Variants in ODAD1 observed in about 807,000 individuals in gnomAD.
ODAD1 encodes the protein outer dynein arm-docking complex subunit 1.
ODAD1 carries 49 observed loss-of-function variants against 67.2 expected under a neutral mutation model. The ratio of observed to expected loss-of-function variants is 0.73; its 90% confidence interval spans 0.58 to 0.92. ODAD1 has a LOEUF of 0.92. Among genes scored for constraint, ODAD1 ranks in the 40% least tolerant of loss-of-function variants. The probability of loss-of-function intolerance (pLI) is 0.00; values close to 1 mark genes in which losing one functional copy is unlikely to be tolerated. For missense variants in ODAD1, 897 were observed against 953.7 expected, an observed-to-expected ratio of 0.94 and a Z score of 0.78; for synonymous variants, 345 against 393.7, an observed-to-expected ratio of 0.88 and a Z score of 1.46.
intron 10 of ODAD1, 22 bp downstream of exon 10, chr19:48,303,628 C>T (rs1014336601): frequency 1.2e-6 from 2 of 1,613,752 alleles, no homozygotes; most frequent in Non-Finnish European, 1.7e-6. Context: ...GGCCTCCTCC[C>T]TCCACCCAGG....
rs1204809790 is a variant in ODAD1, at chr19:48,298,267, G to T, written c.1314C>A (p.Ser438Arg). 7.4e-6 allele frequency: 12 copies of T among 1,614,072 alleles called. No individual in the cohort carries two copies. The highest frequency in any genetic ancestry group is 1.3e-5 in the African/African-American group (1 of 74,954). Reference protein sequence around the residue: ...MIDDLLGVKTSMGDRDMGLFL... With the variant: ...MIDDLLGVKTRMGDRDMGLFL... ...AGAGGCCCATGTCCCGGTCTCCCATGCTGGTCTTGACCCCAAGGAGGTCAT... is the reference window on the plus strand; with the variant it reads ...AGAGGCCCATGTCCCGGTCTCCCATTCTGGTCTTGACCCCAAGGAGGTCAT... Residue 438 changes from serine (S) to arginine (R), a missense_variant, in exon 13 of 16, where the codon AGC (serine) becomes AGA (arginine). Coordinates refer to ENST00000674294, the MANE Select transcript of ODAD1 (RefSeq NM_001364171.2).
intron 5 of ODAD1, among the ~76,000 whole-genome samples, chr19:48,317,173 A>G (rs944214189): frequency 4.6e-5 from 7 of 152,084 alleles, no homozygotes; most frequent in African/African-American, 1.7e-4. Context: ...TGAAGGCTAG[A>G]CCAGAATTTA....
chr19:48,298,229 A>G lies in ODAD1; in HGVS notation c.1352T>C (p.Ile451Thr), dbSNP rs1382485557. 1.2e-5 allele frequency: 20 copies of G among 1,613,804 alleles called. No homozygotes were observed. The highest frequency in any genetic ancestry group is 1.6e-5 in the Non-Finnish European group (19 of 1,180,018). Residue 451 changes from isoleucine to threonine, a missense_variant, in exon 13 of 16, where the codon ATT (isoleucine) becomes ACT (threonine). By Grantham distance (89) the Ile-to-Thr change is moderately conservative. Coordinates refer to ENST00000674294, the MANE Select transcript of ODAD1 (RefSeq NM_001364171.2). Reference sequence around the variant, plus strand: ...CAGGAGCTCCACCAGCCGCTTCTCAATGAGGCTCAGGAAGAGGCCCATGTC... The same window carrying G: ...CAGGAGCTCCACCAGCCGCTTCTCAGTGAGGCTCAGGAAGAGGCCCATGTC... ...DRDMGLFLSL[I>T]EKRLVELLTV...
intron 5 of ODAD1, among the ~76,000 whole-genome samples, chr19:48,312,399 C>T (rs1420974045): frequency 7.5e-5 from 9 of 120,362 alleles, no homozygotes; most frequent in Admixed American, 2.5e-4. Context: ...GACTCCTTTC[C>T]GTTTTTTTTT....
intron 5 of ODAD1, among the ~76,000 whole-genome samples, chr19:48,318,051 C>T (rs567695269): frequency 4.3e-4 from 65 of 152,002 alleles, no homozygotes; most frequent in Admixed American, 6.5e-4. Flanking sequence ...CCAGCCTGGG[C>T]GACAGAGCAA....
intron 7 of ODAD1, among the ~76,000 whole-genome samples, chr19:48,308,846 G>A (rs1968684123): frequency 6.6e-6 from 1 of 152,216 alleles, no homozygotes; most frequent in South Asian, 2.1e-4. Context: ...GCCAGGAGCA[G>A]GCAGGATCTG....
chr19:48,313,596 G>C (rs1055710253), intron 5 of ODAD1, among the ~76,000 whole-genome samples: 1 of 152,028 alleles, frequency 6.6e-6, no homozygotes, highest in Non-Finnish European at 1.5e-5. Flanking sequence ...AGAAAAATGG[G>C]AAATTGCTGG....
At chr19:48,313,126 T>C (rs1010192479) in intron 5 of ODAD1, among the ~76,000 whole-genome samples, 8 of 152,074 alleles carry the variant, frequency 5.3e-5, no homozygotes. Context: ...TTGAATCATG[T>C]CCCATAAAAA....
chr19:48,321,428 TCGAGGGGCGGGGCTTCGGGGCCGG>T (rs1327242904), intron 1 of ODAD1: 1 of 172,080 alleles, frequency 5.8e-6, no homozygotes, highest in East Asian at 1.4e-4. Context: ...GGGAAGAACT[TCGAGGGGCGGGGCTTCGGGGCCGG>T]CGAGGGGAGG....
At chr19:48,320,032 C>A in intron 3 of ODAD1, 1 of 1,052,496 alleles carries the variant, frequency 9.5e-7, no homozygotes, top group African/African-American at 1.7e-5. Flanking sequence ...TAGAAACACC[C>A]TTCCTTCCTT....
Position 48,320,398 on chromosome 19 carries a change from G to T in ODAD1, c.-23-7C>A. Reference sequence around the variant, plus strand: ...GCCAAACAGGGTGGGGCTCCTGTAGGGATGGACATATAAGACCCTTCAGAC... The same window carrying T: ...GCCAAACAGGGTGGGGCTCCTGTAGTGATGGACATATAAGACCCTTCAGAC... On this transcript the variant is annotated splice_region_variant and splice_polypyrimidine_tract_variant and intron_variant, in intron 2 of 15. Transcript: ENST00000674294. The T allele has an allele frequency of 7.8e-7, 1 of 1,281,460 alleles. No homozygotes were observed. The highest frequency in any genetic ancestry group is 1.0e-6 in the Non-Finnish European group (1 of 983,632). 79.4% of individuals were successfully genotyped at this position (1,281,460 alleles called of 1,614,324 possible). A position where few individuals can be genotyped will look rare whatever the true frequency, so the allele number is the denominator to read the frequency against.
intron 5 of ODAD1, among the ~76,000 whole-genome samples, chr19:48,317,824 G>C (rs541199058): frequency 1.3e-5 from 2 of 151,970 alleles, no homozygotes; most frequent in African/African-American, 4.8e-5. Flanking sequence ...TGTAATCTCA[G>C]CACTTTGGGA....
At chr19:48,303,255 G>A in intron 10 of ODAD1, 160 bp from the exon 11 acceptor site, 1 of 660,186 alleles carries the variant, frequency 1.5e-6, no homozygotes, top group Non-Finnish European at 2.7e-6. Flanking sequence ...GAGTCACAGA[G>A]ACAAAGAGGT....
chr19:48,306,345 A>G, intron 7 of ODAD1, 22 bp from the exon 8 acceptor site: 2 of 1,545,956 alleles, frequency 1.3e-6, no homozygotes, highest in Non-Finnish European at 8.8e-7. Flanking sequence ...GGAGAAAAAA[A>G]TCAGTGCCAC....
chr19:48,319,424 C>T (rs1249214068), intron 3 of ODAD1: 6 of 986,172 alleles, frequency 6.1e-6, no homozygotes, highest in Non-Finnish European at 7.2e-6. Flanking sequence ...AGTGACCTGA[C>T]CTTACCCACC....
chr19:48,317,740 G>A (rs544904359), intron 5 of ODAD1, among the ~76,000 whole-genome samples: 11 of 150,486 alleles, frequency 7.3e-5, no homozygotes, highest in East Asian at 2.0e-4. Context: ...GTGCAGCGGC[G>A]CGATCTTGGC....
In ODAD1 at chr19:48,303,972, C is replaced by G. The variant is rs533885449; in HGVS notation, c.834G>C (p.Leu278=). ...NNDRQPDPDV[L]EKREKQAGEV... is the part of the protein sequence containing the mutation. Reference sequence around the variant, plus strand: ...CCTCACCCTGCTTTTCACGCTTCTCCAGGACATCGGGATCCGGCTGCCGGT... The same window carrying G: ...CCTCACCCTGCTTTTCACGCTTCTCGAGGACATCGGGATCCGGCTGCCGGT... The change falls in exon 9 of 16, where the codon CTG becomes CTC. Residue 278 remains leucine, a synonymous_variant. Transcript: ENST00000674294. 6.2e-7 allele frequency: 1 copy of G among 1,614,148 alleles called. No homozygotes were observed. Among genetic ancestry groups the G allele is most frequent in the Admixed American group, 1.7e-5 (1 of 60,024 alleles).
chr19:48,297,440 T>C lies in ODAD1; in HGVS notation c.1660A>G (p.Ser554Gly), dbSNP rs1218636827. ...AAAAKLDGTL[S>G]VDLASTQRAG... ...CTCTGGGTGCTGGCCAGGTCCACGC[T>C]CAGGGTGCCGTCCAGCTTCGCGGCG... is the stretch of plus-strand genomic sequence containing the variant. The change falls in exon 16 of 16, where the codon AGC (serine) becomes GGC (glycine). Residue 554 changes from serine (S) to glycine (G), a missense_variant. Coordinates refer to ENST00000674294, the MANE Select transcript of ODAD1 (RefSeq NM_001364171.2). The C allele has an allele frequency of 1.2e-6, 2 of 1,603,306 alleles. No homozygotes were observed. Among genetic ancestry groups the C allele is most frequent in the Non-Finnish European group, 8.5e-7 (1 of 1,178,686 alleles).
intron 5 of ODAD1, among the ~76,000 whole-genome samples, chr19:48,312,782 C>T (rs1040449172): frequency 1.4e-4 from 21 of 152,196 alleles, no homozygotes; most frequent in Non-Finnish European, 2.5e-4. Flanking sequence ...CAGGACTTCT[C>T]CTGTCATGGC....
Sources: gnomAD v4.1 joint callset for allele counts (sites outside exome capture counted in the v4.1 genomes callset) on GRCh38, gnomAD v4.1.1 for gene constraint, MANE v1.5 for transcripts, NCBI Gene and HGNC (gene_info 2026-07-23, HGNC 2026-07-21) for gene names.